VAV3: variants seen among roughly 807,000 people sequenced by gnomAD.
The protein encoded by VAV3 is guanine nucleotide exchange factor VAV3.
A neutral mutation model predicts 131.2 loss-of-function variants in VAV3; 94 were observed. That is an observed-to-expected ratio of 0.72 (90% confidence interval 0.61 to 0.85). VAV3 has a LOEUF of 0.85. VAV3 is among the 40% of genes least tolerant of loss of function. The pLI is 0.00. For missense variants in VAV3, 939 were observed against 1,002.7 expected, an observed-to-expected ratio of 0.94 and a Z score of 0.86; for synonymous variants, 349 against 342.0, an observed-to-expected ratio of 1.02 and a Z score of -0.22.
chr1:107,918,699 A>G (rs1475074747), intron 1 of VAV3, among the ~76,000 whole-genome samples: 1 of 76,354 alleles, frequency 1.3e-5, no homozygotes, highest in African/African-American at 3.3e-5. Flanking sequence ...ATATATATAT[A>G]TATATATTTT....
At chr1:107,718,375 C>A (rs1661253560) in intron 15 of VAV3, among the ~76,000 whole-genome samples, 1 of 152,096 alleles carries the variant, frequency 6.6e-6, no homozygotes, top group Non-Finnish European at 1.5e-5. Context: ...GATACAAAAT[C>A]AAGGCGCAAA....
chr1:107,779,372 T>C, intron 3 of VAV3, 62 bp downstream of exon 3: 1 of 1,439,574 alleles, frequency 6.9e-7, no homozygotes, highest in South Asian at 1.4e-5. Flanking sequence ...ATAGTAACCA[T>C]TTAATAAAGA....
At chr1:107,763,910 T>C (rs566412567) in intron 9 of VAV3, among the ~76,000 whole-genome samples, 1 of 150,660 alleles carries the variant, frequency 6.6e-6, no homozygotes, top group East Asian at 1.9e-4. Flanking sequence ...GGAAAAGGGA[T>C]ATTAAACAGG....
In VAV3 at chr1:107,705,038, G is replaced by A. The variant is rs1247638432; in HGVS notation, c.1526C>T (p.Ala509Val). 2.5e-6 allele frequency: 4 copies of A among 1,613,438 alleles called. No homozygotes were observed. Residue 509 changes from alanine to valine, a missense_variant, in exon 16 of 27, where the codon GCA becomes GTA. Coordinates refer to ENST00000370056, the MANE Select transcript of VAV3 (RefSeq NM_006113.5). The stretch of plus-strand genomic sequence containing the variant: ...CTTGAAGTCGTGGAAATTGGAGTCT[G>A]CATAGTCTGGTCTTATGTTAGACCT... The part of the protein sequence containing the change: ...MALSNIRPDY[A>V]DSNFHDFKMH...
intron 19 of VAV3, among the ~76,000 whole-genome samples, chr1:107,663,181 A>C (rs1012001226): frequency 1.3e-5 from 2 of 152,194 alleles, no homozygotes; most frequent in African/African-American, 4.8e-5. Context: ...TAATTACCTA[A>C]TGCAAAGTGT....
chr1:107,944,947 A>G (rs1188559974), intron 1 of VAV3, among the ~76,000 whole-genome samples: 1 of 152,184 alleles, frequency 6.6e-6, no homozygotes, highest in Non-Finnish European at 1.5e-5. Flanking sequence ...AGAGTGTAAT[A>G]TGAAATAGCT....
chr1:107,891,838 C>CAA (rs35693360), intron 1 of VAV3, among the ~76,000 whole-genome samples: 1,486 of 27,826 alleles, frequency 0.053, 110 homozygotes, highest in Non-Finnish European at 0.084. Context: ...GACTCCGTCT[C>CAA]AAAAAAAAAA....
chr1:107,824,906 G>A (rs1342454366), intron 2 of VAV3, among the ~76,000 whole-genome samples: 2 of 151,682 alleles, frequency 1.3e-5, no homozygotes, highest in African/African-American at 4.8e-5. Flanking sequence ...TATTTTAAGA[G>A]TAAAAGAACC....
At chr1:107,720,080 G>C (rs1661387978) in intron 15 of VAV3, among the ~76,000 whole-genome samples, 1 of 152,080 alleles carries the variant, frequency 6.6e-6, no homozygotes, top group Admixed American at 6.5e-5. Flanking sequence ...GAATGGGGCA[G>C]GGATAGCATT....
chr1:107,862,203 G>GTTAA, intron 2 of VAV3, among the ~76,000 whole-genome samples: 1 of 151,552 alleles, frequency 6.6e-6, no homozygotes, highest in South Asian at 2.1e-4. Context: ...GGAAGCCTGC[G>GTTAA]CAGCCGGACT....
At chr1:107,592,042 C>CAT (rs748182552) in intron 25 of VAV3, among the ~76,000 whole-genome samples, 7 of 149,754 alleles carry the variant, frequency 4.7e-5, no homozygotes, top group Admixed American at 2.7e-4. Context: ...TACACACACA[C>CAT]ATATATATAC....
At chr1:107,762,448 G>A (rs989875006) in intron 9 of VAV3, among the ~76,000 whole-genome samples, 2 of 152,176 alleles carry the variant, frequency 1.3e-5, no homozygotes, top group Non-Finnish European at 2.9e-5. Context: ...ATCAATTACT[G>A]CAGTTCATTA....
At chr1:107,868,144 G>C (rs1370113233) in intron 2 of VAV3, among the ~76,000 whole-genome samples, 1 of 152,154 alleles carries the variant, frequency 6.6e-6, no homozygotes, top group African/African-American at 2.4e-5. Context: ...GTGGGGCTTT[G>C]AAGCAAGGCT....
At chr1:107,701,352 G>A (rs2494062) in intron 17 of VAV3, among the ~76,000 whole-genome samples, 46,969 of 127,696 alleles carry the variant, frequency 0.37, 7,725 homozygotes, top group African/African-American at 0.46. Context: ...AGCCTGAGCT[G>A]TACGTTGGCC....
chr1:107,895,457 T>C (rs989664570), intron 1 of VAV3, among the ~76,000 whole-genome samples: 1 of 152,180 alleles, frequency 6.6e-6, no homozygotes, highest in Non-Finnish European at 1.5e-5. Flanking sequence ...TAAGCAATCT[T>C]ATCCAGTTCT....
chr1:107,820,478 G>A (rs867081332), intron 2 of VAV3, among the ~76,000 whole-genome samples: 5 of 151,784 alleles, frequency 3.3e-5, no homozygotes, highest in African/African-American at 9.7e-5. Context: ...GGAGTGGGGG[G>A]GTAGGGTGTA....
intron 24 of VAV3, among the ~76,000 whole-genome samples, chr1:107,599,384 T>C (rs1254296506): frequency 6.6e-6 from 1 of 152,142 alleles, no homozygotes; most frequent in Non-Finnish European, 1.5e-5. Context: ...AAGAAGACTC[T>C]AAACAAAAGA....
At chr1:107,580,224 G>T (rs2101002778) in intron 25 of VAV3, among the ~76,000 whole-genome samples, 1 of 152,252 alleles carries the variant, frequency 6.6e-6, no homozygotes, top group Middle Eastern at 3.4e-3. Context: ...TCTCGGCAGG[G>T]TATTTAATTC....
chr1:107,752,005 G>T (rs578187975), intron 12 of VAV3, among the ~76,000 whole-genome samples: 1 of 152,242 alleles, frequency 6.6e-6, no homozygotes, highest in African/African-American at 2.4e-5. Context: ...AAATTCTTAT[G>T]GAATCTCAAG....
Sources: allele counts gnomAD v4.1 joint callset (sites outside exome capture counted in the v4.1 genomes callset), GRCh38; gene constraint gnomAD v4.1.1; transcripts MANE v1.5; gene names NCBI Gene and HGNC (gene_info 2026-07-23, HGNC 2026-07-21).